The following CASK variants were observed in gnomAD, a reference collection of about 807,000 sequenced individuals.
The protein encoded by CASK is peripheral plasma membrane protein CASK.
CASK carries 4 observed loss-of-function variants against 82.9 expected under a neutral mutation model. The ratio of observed to expected loss-of-function variants is 0.05; its 90% confidence interval spans 0.02 to 0.11. The LOEUF is 0.11. Among genes scored for constraint, CASK ranks in the 10% least tolerant of loss-of-function variants. The probability of loss-of-function intolerance (pLI) is 1.00; values close to 1 mark genes in which losing one functional copy is unlikely to be tolerated. For synonymous variants in CASK, 259 were observed against 253.5 expected (o/e 1.02, Z -0.20); for missense variants, 358 against 720.9 (o/e 0.50, Z 5.76).
chrX:41,900,542 T>C (rs1289883646), intron 1 of CASK, among the ~76,000 whole-genome samples: 1 of 108,883 alleles, frequency 9.2e-6, no homozygotes, highest in East Asian at 2.9e-4. Flanking sequence ...TGAAGCTTTC[T>C]GTGGAATTTT....
At chrX:41,691,478 C>T (rs1057183291) in intron 5 of CASK, among the ~76,000 whole-genome samples, 3 of 111,288 alleles carry the variant, frequency 2.7e-5, no homozygotes, top group Non-Finnish European at 3.8e-5. Context: ...AATGCTGACC[C>T]TATGTGATAA....
intron 3 of CASK, among the ~76,000 whole-genome samples, chrX:41,783,911 A>C (rs1363372697): frequency 1.8e-5 from 2 of 112,104 alleles, no homozygotes; most frequent in Non-Finnish European, 3.8e-5. Context: ...CTCTTCCAGC[A>C]GAATAATGAA....
Position 41,547,684 on chromosome X carries a change from G to T in CASK, c.2040-4878C>A, listed in dbSNP as rs1220177837. ...GTCGCCCAGGCTGGAGGGCAGTGGC[G>T]CGATCTTGGCTCACTGCAAGCTCCA... On this transcript the variant is annotated intron_variant, in intron 21 of 26. Coordinates refer to ENST00000378163, the MANE Select transcript of CASK (RefSeq NM_001367721.1). Among the ~76,000 whole-genome samples the T allele has an allele frequency of 2.8e-5, 3 of 107,400 alleles. No homozygotes were observed. In the East Asian group the frequency reaches 8.8e-4, roughly 31 times the overall value. The allele number at this position is 107,400 out of a possible 115,157, so 93.3% of individuals were successfully genotyped here.
chrX:41,787,103 G>T, intron 3 of CASK, 75 bp downstream of exon 3: 1 of 632,640 alleles, frequency 1.6e-6, no homozygotes, highest in South Asian at 2.2e-5. Context: ...TAAATTTCAA[G>T]AGAAAAGTGT....
intron 5 of CASK, chrX:41,730,037 A>G (rs1425974695): frequency 1.7e-5 from 2 of 119,858 alleles, no homozygotes; most frequent in African/African-American, 6.7e-5. Context: ...TTGGAGCTAT[A>G]AACTTCTTGT....
chrX:41,886,493 A>C (rs890809422), intron 1 of CASK, among the ~76,000 whole-genome samples: 3 of 111,994 alleles, frequency 2.7e-5, no homozygotes, highest in African/African-American at 9.7e-5. Flanking sequence ...AGTAACTTAC[A>C]CACTGATTAT....
At chrX:41,913,224 T>A (rs746192692) in intron 1 of CASK, among the ~76,000 whole-genome samples, 1 of 112,232 alleles carries the variant, frequency 8.9e-6, no homozygotes, top group Admixed American at 9.5e-5. Context: ...CTCAAGTGTT[T>A]GGTGAATAGC....
Position 41,517,669 on chromosome X carries a change from A to G in CASK, c.*2751T>C. On this transcript the variant is annotated 3_prime_UTR_variant, in exon 27 of 27. Transcript: ENST00000378163. ...CTAAACATTCATTCTGGTCTTTAAA[A>G]GAAAGAAAGAAAAAAAAAGGTTCTG... 1 of 458,568 alleles carries G rather than the reference A, an allele frequency of 2.2e-6. No individual in the cohort carries two copies. The highest frequency in any genetic ancestry group is 3.8e-6 in the Non-Finnish European group (1 of 265,163). The allele number at this position is 458,568 out of a possible 1,213,427, so 37.8% of individuals were successfully genotyped here.
At chrX:41,777,399 C>T (rs756927996) in intron 3 of CASK, among the ~76,000 whole-genome samples, 3 of 106,814 alleles carry the variant, frequency 2.8e-5, no homozygotes, top group East Asian at 2.9e-4. Flanking sequence ...GGCTGAGGCA[C>T]GAGAATTGCT....
intron 11 of CASK, among the ~76,000 whole-genome samples, chrX:41,619,667 G>C (rs763663199): frequency 8.9e-6 from 1 of 111,780 alleles, no homozygotes; most frequent in African/African-American, 3.2e-5. Context: ...TAAAAAGGTT[G>C]ACCAAGTAAA....
At chrX:41,574,411 G>A (rs1184372493) in intron 15 of CASK, among the ~76,000 whole-genome samples, 1 of 111,299 alleles carries the variant, frequency 9.0e-6, no homozygotes, top group African/African-American at 3.3e-5. Context: ...GTTCTTTCAT[G>A]ATATTTTGTT....
intron 1 of CASK, among the ~76,000 whole-genome samples, chrX:41,875,086 T>C (rs1413624778): frequency 2.7e-5 from 3 of 112,646 alleles, no homozygotes; most frequent in Non-Finnish European, 5.6e-5. Context: ...AATCTGTTTT[T>C]ATTGCTTTAT....
At chrX:41,916,015 A>G (rs891232846) in intron 1 of CASK, among the ~76,000 whole-genome samples, 62 of 106,710 alleles carry the variant, frequency 5.8e-4, no homozygotes, top group Non-Finnish European at 8.1e-4. Context: ...ACACACACAC[A>G]CGCACACACA....
chrX:41,645,823 C>T (rs2066748414), intron 8 of CASK, among the ~76,000 whole-genome samples: 1 of 111,129 alleles, frequency 9.0e-6, no homozygotes, highest in Non-Finnish European at 1.9e-5. Flanking sequence ...TCTGTCTCAC[C>T]AGTTTCCTCT....
intron 8 of CASK, among the ~76,000 whole-genome samples, chrX:41,643,043 A>G (rs934692423): frequency 1.3e-4 from 14 of 111,812 alleles, no homozygotes; most frequent in Admixed American, 1.1e-3. Context: ...GGTTTGTCAA[A>G]GATCAGATGG....
In CASK at chrX:41,884,103, C is replaced by T. The variant is rs1438671451; in HGVS notation, c.60-30876G>A. Among the ~76,000 whole-genome samples, 4 of 111,747 alleles carry T rather than the reference C, an allele frequency of 3.6e-5. No individual in the cohort carries two copies. In the Admixed American group the frequency reaches 3.8e-4, roughly 11 times the overall value. ...GGGGCTTCCCTTACAAATTTCTTTCCCAGGCAAAGGAAATTCCCCTAGAGC... is the reference window on the plus strand; with the variant it reads ...GGGGCTTCCCTTACAAATTTCTTTCTCAGGCAAAGGAAATTCCCCTAGAGC... On this transcript the variant is annotated intron_variant, in intron 1 of 26. Coordinates refer to ENST00000378163, the MANE Select transcript of CASK (RefSeq NM_001367721.1).
At chrX:41,649,294 C>G (rs937154041) in intron 8 of CASK, among the ~76,000 whole-genome samples, 4 of 111,381 alleles carry the variant, frequency 3.6e-5, no homozygotes, top group African/African-American at 1.3e-4. Flanking sequence ...CTTCTGCTAG[C>G]TTTTGAATTG....
At chrX:41,647,451 C>T (rs1432128529) in intron 8 of CASK, among the ~76,000 whole-genome samples, 1 of 111,965 alleles carries the variant, frequency 8.9e-6, no homozygotes, top group Non-Finnish European at 1.9e-5. Context: ...TTAAACCCCA[C>T]GACTTAGATT....
intron 2 of CASK, among the ~76,000 whole-genome samples, chrX:41,831,223 AG>A (rs1014605397): frequency 2.7e-5 from 3 of 111,412 alleles, no homozygotes; most frequent in Admixed American, 9.5e-5. Context: ...GCTGGGCACT[AG>A]GATATAAAGG....
Sources: allele counts gnomAD v4.1 joint callset (sites outside exome capture counted in the v4.1 genomes callset), GRCh38; gene constraint gnomAD v4.1.1; transcripts MANE v1.5; gene names NCBI Gene and HGNC (gene_info 2026-07-23, HGNC 2026-07-21).